FRMD4A: variants seen among roughly 807,000 people sequenced by gnomAD.
FRMD4A encodes the protein FERM domain-containing protein 4A.
A neutral mutation model predicts 129.1 loss-of-function variants in FRMD4A; 29 were observed. That is an observed-to-expected ratio of 0.22 (90% CI 0.17 to 0.31). The LOEUF is 0.31. FRMD4A is among the 10% of genes least tolerant of loss of function. The pLI, the probability that FRMD4A is intolerant of heterozygous loss-of-function variation, is 1.00. For synonymous variants in FRMD4A, 634 were observed against 571.6 expected (o/e 1.11, Z -1.56); for missense variants, 1,272 against 1,375.8 (o/e 0.92, Z 1.19).
chr10:14,262,746 G>A (rs891172644), intron 2 of FRMD4A, among the ~76,000 whole-genome samples: 1 of 152,200 alleles, frequency 6.6e-6, no homozygotes, highest in South Asian at 2.1e-4. Flanking sequence ...AACACAGAAA[G>A]AACTCCTTAG....
rs188157380 is a variant in FRMD4A at position 14,178,633 on chromosome 10, G to A, written c.45+151425C>T. Among the ~76,000 whole-genome samples the A allele has an allele frequency of 4.6e-5, 7 of 152,266 alleles. No individual in the cohort carries two copies. The East Asian group carries it at 1.4e-3, about 29-fold the overall frequency. ...AAATGTCCGTGAAGAATAATTGTCA[G>A]ATCATTAGGCACCCTAACACCCTTG... On this transcript the variant is annotated intron_variant, in intron 2 of 24. Coordinates refer to ENST00000357447, the MANE Select transcript of FRMD4A (RefSeq NM_018027.5).
At chr10:13,763,478 C>T (rs535839330) in intron 6 of FRMD4A, among the ~76,000 whole-genome samples, 1 of 152,114 alleles carries the variant, frequency 6.6e-6, no homozygotes, top group East Asian at 1.9e-4. Flanking sequence ...TAGTGACTAC[C>T]GTATCGTCAG....
chr10:14,018,894 A>G (rs1832605043), intron 2 of FRMD4A, among the ~76,000 whole-genome samples: 1 of 152,102 alleles, frequency 6.6e-6, no homozygotes, highest in African/African-American at 2.4e-5. Flanking sequence ...AACTTAGGAG[A>G]AGAGTCAAGC....
intron 2 of FRMD4A, chr10:14,327,003 T>A (rs1002070026): frequency 2.5e-6 from 1 of 398,562 alleles, no homozygotes; most frequent in African/African-American, 2.1e-5. Flanking sequence ...GAGGCATCAC[T>A]GCCCTCTGTG....
intron 2 of FRMD4A, among the ~76,000 whole-genome samples, chr10:13,884,186 A>G (rs28612162): frequency 3.6e-5 from 4 of 109,654 alleles, no homozygotes; most frequent in South Asian, 3.9e-4. Context: ...TCACACACAC[A>G]CACACACACT....
In FRMD4A at chr10:13,670,464, C is replaced by T. The variant is rs1443470519; in HGVS notation, c.1316G>A (p.Arg439Gln). The change falls in exon 17 of 25, where the codon CGG (arginine) becomes CAG (glutamine). Residue 439 changes from arginine (R) to glutamine (Q), a missense_variant. Arg to Gln is a conservative substitution (Grantham distance 43). Coordinates refer to ENST00000357447, the MANE Select transcript of FRMD4A (RefSeq NM_018027.5). The part of the protein sequence containing the change: ...LDPGEEPPIV[R>Q]RRIGTAFKLD... The stretch of plus-strand genomic sequence containing the variant: ...TTTGAAGGCTGTTCCTATTCTTCTC[C>T]GAACAATGGGTGGTTCCTCCCCTGG... 9.9e-6 allele frequency: 16 copies of T among 1,613,164 alleles called. No individual in the cohort carries two copies. The Admixed American group carries it at 1.0e-4, about 10-fold the overall frequency.
At chr10:13,933,136 G>A (rs2095216478) in intron 2 of FRMD4A, among the ~76,000 whole-genome samples, 1 of 151,520 alleles carries the variant, frequency 6.6e-6, no homozygotes, top group Non-Finnish European at 1.5e-5. Flanking sequence ...ACTACAGCCT[G>A]GACAAGAGCA....
In FRMD4A at chr10:13,787,753, T is replaced by C. The variant is rs867697635; in HGVS notation, c.300-4747A>G. ...AGGTTACAGGCCAGCCTCTTCTTCTTTTTTTTTTTTAATCCAGTTTTTGGC... is the reference window on the plus strand; with the variant it reads ...AGGTTACAGGCCAGCCTCTTCTTCTCTTTTTTTTTTAATCCAGTTTTTGGC... On this transcript the variant is annotated intron_variant, in intron 5 of 24. Coordinates refer to ENST00000357447, the MANE Select transcript of FRMD4A (RefSeq NM_018027.5). Among the ~76,000 whole-genome samples, 919 of 147,628 alleles carry C rather than the reference T, an allele frequency of 6.2e-3. 12 individuals carry two copies. The highest frequency in any genetic ancestry group is 0.022 in the African/African-American group (887 of 40,672).
At chr10:14,047,915 C>T (rs55851801) in intron 2 of FRMD4A, among the ~76,000 whole-genome samples, 20,338 of 152,156 alleles carry the variant, frequency 0.13, 1,521 homozygotes, top group African/African-American at 0.2. Context: ...TGGCTTTCTT[C>T]ACCACCAAAT....
chr10:14,300,182 T>G (rs1349786469), intron 2 of FRMD4A, among the ~76,000 whole-genome samples: 1 of 152,078 alleles, frequency 6.6e-6, no homozygotes, highest in Non-Finnish European at 1.5e-5. Flanking sequence ...AAATTCAAGT[T>G]CCTTGCCATA....
At chr10:14,163,198 G>C (rs1840996911) in intron 2 of FRMD4A, among the ~76,000 whole-genome samples, 3 of 152,090 alleles carry the variant, frequency 2.0e-5, no homozygotes, top group Non-Finnish European at 4.4e-5. Context: ...TTTTAAAACT[G>C]GTTTCTCTAG....
intron 2 of FRMD4A, chr10:13,891,649 A>T (rs1166617663): frequency 1.0e-6 from 1 of 985,000 alleles, no homozygotes; most frequent in African/African-American, 1.7e-5. Flanking sequence ...CTTCCAAGGG[A>T]TCCGAGGAAC....
chr10:13,717,824 C>T (rs2088990448), intron 12 of FRMD4A, among the ~76,000 whole-genome samples: 6 of 151,222 alleles, frequency 4.0e-5, no homozygotes, highest in Admixed American at 3.3e-4. Context: ...GGTCATCGGA[C>T]TGTACGGAAG....
intron 3 of FRMD4A, among the ~76,000 whole-genome samples, chr10:13,813,167 G>A (rs745701079): frequency 7.9e-5 from 12 of 152,230 alleles, no homozygotes; most frequent in Non-Finnish European, 7.3e-5. Flanking sequence ...GGTAGTGGCC[G>A]GGCGCCATGG....
chr10:13,746,089 C>A lies in FRMD4A; in HGVS notation c.548+1647G>T, dbSNP rs571094700. ...TTCCAAAAGAGGAGTGGCAATAAAA[C>A]AGCTCAGAGAGATGAAATTAGGGAC... On this transcript the variant is annotated intron_variant, in intron 9 of 24. Coordinates refer to ENST00000357447, the MANE Select transcript of FRMD4A (RefSeq NM_018027.5). 3.3e-5 allele frequency among the ~76,000 whole-genome samples: 5 copies of A among 152,164 alleles called. No individual in the cohort carries two copies. In the South Asian group the frequency reaches 1.0e-3, roughly 31 times the overall value.
chr10:13,832,323 AGGATT>A (rs1420779965), intron 3 of FRMD4A, among the ~76,000 whole-genome samples: 4 of 152,196 alleles, frequency 2.6e-5, no homozygotes, highest in African/African-American at 9.6e-5. Context: ...CTGCCCTCTT[AGGATT>A]CCTTCCTCCA....
intron 2 of FRMD4A, among the ~76,000 whole-genome samples, chr10:14,068,814 G>A (rs1835182959): frequency 6.6e-6 from 1 of 152,032 alleles, no homozygotes; most frequent in African/African-American, 2.4e-5. Flanking sequence ...CTTAGGCTAA[G>A]TGAGATGAAG....
At chr10:14,220,523 T>C (rs1197536673) in intron 2 of FRMD4A, among the ~76,000 whole-genome samples, 1 of 152,220 alleles carries the variant, frequency 6.6e-6, no homozygotes, top group East Asian at 1.9e-4. Flanking sequence ...AATAATTGAA[T>C]TTTTTGTATG....
At chr10:13,722,227 C>CTTTTT (rs1204085901) in intron 12 of FRMD4A, among the ~76,000 whole-genome samples, 2 of 126,814 alleles carry the variant, frequency 1.6e-5, no homozygotes, top group Non-Finnish European at 1.7e-5. Flanking sequence ...GGCCAGGGCT[C>CTTTTT]TTTTTTTTTT....
Sources: gnomAD v4.1 joint callset for allele counts (sites outside exome capture counted in the v4.1 genomes callset) on GRCh38, gnomAD v4.1.1 for gene constraint, MANE v1.5 for transcripts, NCBI Gene and HGNC (gene_info 2026-07-23, HGNC 2026-07-21) for gene names.